The following SLC6A16 variants were observed in gnomAD, a reference collection of about 807,000 sequenced individuals.
SLC6A16 encodes the protein orphan sodium- and chloride-dependent neurotransmitter transporter NTT5.
In SLC6A16, 54 loss-of-function variants were observed where a neutral mutation model predicts 65.4. The ratio of observed to expected loss-of-function variants is 0.83; its 90% CI spans 0.66 to 1.04. The LOEUF is 1.04. Among genes scored for constraint, SLC6A16 ranks in the 50% least tolerant of loss-of-function variants. The pLI is 0.00. For missense variants in SLC6A16, 816 were observed against 914.0 expected, an observed-to-expected ratio of 0.89 and a Z score of 1.38; for synonymous variants, 330 against 346.5, an observed-to-expected ratio of 0.95 and a Z score of 0.53.
the SLC6A16 span, chr19:49,337,608 C>CA: frequency 2.1e-6 from 3 of 1,454,546 alleles, no homozygotes; most frequent in African/African-American, 4.3e-5. Context: ...GACCCTGTCT[C>CA]AAAAAATAAA....
At chr19:49,331,978 G>T in the SLC6A16 span, 1 of 448,552 alleles carries the variant, frequency 2.2e-6, no homozygotes, top group Non-Finnish European at 4.5e-6. Context: ...GGAGGGATTG[G>T]TGTATTAGTC....
the SLC6A16 span, chr19:49,337,952 G>C: frequency 1.9e-6 from 3 of 1,613,982 alleles, no homozygotes; most frequent in Non-Finnish European, 2.5e-6. Flanking sequence ...GGACGTCGTA[G>C]AGAAAACCAT....
At chr19:49,300,678 T>G (rs1012444314) in intron 7 of SLC6A16, among the ~76,000 whole-genome samples, 1 of 152,090 alleles carries the variant, frequency 6.6e-6, no homozygotes, top group Non-Finnish European at 1.5e-5. Flanking sequence ...AGCCAATTAT[T>G]TCCTATCATG....
intron 7 of SLC6A16, among the ~76,000 whole-genome samples, chr19:49,294,944 G>T (rs567036671): frequency 1.4e-3 from 216 of 152,080 alleles, no homozygotes; most frequent in Non-Finnish European, 2.1e-3. Flanking sequence ...ATGTCCCATG[G>T]AGTCGTGCTG....
At chr19:49,306,056 T>C (rs1338097686) in intron 7 of SLC6A16, 2 of 152,228 alleles carry the variant, frequency 1.3e-5, no homozygotes, top group African/African-American at 4.8e-5. Context: ...CCCAGCACTT[T>C]GGGAGGCCGA....
the SLC6A16 span, chr19:49,339,694 A>G: frequency 2.1e-6 from 3 of 1,412,894 alleles, no homozygotes; most frequent in Non-Finnish European, 2.8e-6. The surrounding 1 kb of genome is among the most constrained non-coding windows in gnomAD (Gnocchi z 4.5). Context: ...GCTACAGCGC[A>G]GGGCACTCCG....
upstream of SLC6A16, chr19:49,325,264 T>C (rs1173561285): frequency 1.0e-6 from 1 of 984,356 alleles, no homozygotes; most frequent in African/African-American, 1.7e-5. Flanking sequence ...TCCCTACAGC[T>C]GTAGCAAACA....
the SLC6A16 span, chr19:49,335,282 A>G: frequency 1.9e-6 from 1 of 515,922 alleles, no homozygotes; most frequent in Non-Finnish European, 3.4e-6. The surrounding 1 kb of genome is among the most constrained non-coding windows in gnomAD (Gnocchi z 4.6). Flanking sequence ...CACAAATTCC[A>G]AGGCCCCTCA....
At chr19:49,314,521 A>G (rs2146149076) in intron 1 of SLC6A16, among the ~76,000 whole-genome samples, 1 of 152,362 alleles carries the variant, frequency 6.6e-6, no homozygotes, top group Non-Finnish European at 1.5e-5. Context: ...GACACAAGCA[A>G]GAATCATCAA....
In SLC6A16 at chr19:49,293,211, T is replaced by C. The variant is rs1568523733; in HGVS notation, c.1778+12A>G. ...TCCCATGCTTTGTGAGAACCTGGGC[T>C]TAGGACATCACCTCCTGGCCCCATA... is the stretch of plus-strand genomic sequence containing the variant. On this transcript the variant is annotated intron_variant, in intron 10 of 11. Coordinates refer to ENST00000335875, the MANE Select transcript of SLC6A16 (RefSeq NM_014037.3). 6.2e-7 allele frequency: 1 copy of C among 1,613,942 alleles called. No homozygotes were observed. Among genetic ancestry groups the C allele is most frequent in the East Asian group, 2.2e-5 (1 of 44,880 alleles).
Position 49,290,708 on chromosome 19 carries a change from A to G in SLC6A16, c.1838T>C (p.Leu613Pro). The G allele has an allele frequency of 6.2e-7, 1 of 1,613,728 alleles. No individual in the cohort carries two copies. Among genetic ancestry groups the G allele is most frequent in the South Asian group, 1.1e-5 (1 of 90,992 alleles). ...CACAACTGGACACAGATGGGGCCAC[A>G]GCCAACCAAAGATGGGAGAGATGGG... ...GHPISPIFGW[L>P]WPHLCPVVLL... is the part of the protein sequence containing the mutation. The change falls in exon 11 of 12, where the codon CTG becomes CCG. Residue 613 changes from leucine to proline, a missense_variant. Transcript: ENST00000335875.
intron 7 of SLC6A16, among the ~76,000 whole-genome samples, chr19:49,300,843 GGAGTTC>G (rs1970276084): frequency 6.6e-6 from 1 of 152,100 alleles, no homozygotes; most frequent in Non-Finnish European, 1.5e-5. Context: ...CTTGAGGTCA[GGAGTTC>G]GAGACCAGCC....
At chr19:49,318,867 TA>T (rs1366865909) in intron 1 of SLC6A16, among the ~76,000 whole-genome samples, 1 of 122,586 alleles carries the variant, frequency 8.2e-6, no homozygotes, top group East Asian at 2.5e-4. Flanking sequence ...CACAACTGGC[TA>T]TTTTTTTTTT....
At chr19:49,324,528 A>G (rs912996124) in intron 1 of SLC6A16, among the ~76,000 whole-genome samples, 23 of 152,036 alleles carry the variant, frequency 1.5e-4, no homozygotes, top group African/African-American at 5.3e-4. Context: ...GTGCCCCTAC[A>G]CCGTCATCCC....
chr19:49,298,855 C>T (rs1051337017), intron 7 of SLC6A16, among the ~76,000 whole-genome samples: 1 of 152,204 alleles, frequency 6.6e-6, no homozygotes, highest in Non-Finnish European at 1.5e-5. Flanking sequence ...TACATATATA[C>T]TGTGGAATAC....
At chr19:49,317,792 C>A (rs1280895372) in intron 1 of SLC6A16, among the ~76,000 whole-genome samples, 2 of 151,196 alleles carry the variant, frequency 1.3e-5, no homozygotes, top group Non-Finnish European at 2.9e-5. Context: ...GGCAACACAG[C>A]GAGACTCCGT....
At chr19:49,335,751 T>A in the SLC6A16 span, 7 of 1,613,144 alleles carry the variant, frequency 4.3e-6, no homozygotes, top group East Asian at 6.7e-5. This position sits in a 1 kb window ranked among gnomAD's most constrained non-coding sequence, Gnocchi z 4.6. Flanking sequence ...GGCATCTGGA[T>A]CCTCATTGAC....
intron 1 of SLC6A16, among the ~76,000 whole-genome samples, 186 bp from the exon 2 acceptor site, chr19:49,311,597 C>A (rs890456129): frequency 1.3e-5 from 2 of 151,988 alleles, no homozygotes; most frequent in African/African-American, 4.8e-5. Flanking sequence ...CGCTGTAATC[C>A]CAGCACTTTG....
At chr19:49,317,090 A>G (rs1970625245) in intron 1 of SLC6A16, among the ~76,000 whole-genome samples, 1 of 152,006 alleles carries the variant, frequency 6.6e-6, no homozygotes, top group African/African-American at 2.4e-5. Flanking sequence ...CCGTAATCCC[A>G]GCACTTTGAG....
Sources: allele counts gnomAD v4.1 joint callset (sites outside exome capture counted in the v4.1 genomes callset), GRCh38; gene constraint gnomAD v4.1.1; non-coding constraint Gnocchi (gnomAD v3.1); transcripts MANE v1.5; gene names NCBI Gene and HGNC (gene_info 2026-07-23, HGNC 2026-07-21).